The following USP33 variants were observed in gnomAD, a reference collection of about 807,000 sequenced individuals.
The protein encoded by USP33 is ubiquitin carboxyl-terminal hydrolase 33.
USP33 carries 46 observed loss-of-function variants against 124.2 expected under a neutral mutation model. The observed-to-expected ratio is 0.37, with a 90% CI of 0.29 to 0.47. USP33 has a LOEUF of 0.47. USP33 is among the 20% of genes least tolerant of loss of function. The probability of loss-of-function intolerance (pLI) is 0.99; values close to 1 mark genes in which losing one functional copy is unlikely to be tolerated. For synonymous variants in USP33, 350 were observed against 352.3 expected (o/e 0.99, Z 0.07); for missense variants, 851 against 1,070.6 (o/e 0.79, Z 2.86).
At chr1:77,735,955 C>CAA in intron 6 of USP33, 101 bp downstream of exon 6, 1 of 818,622 alleles carries the variant, frequency 1.2e-6, no homozygotes, top group Non-Finnish European at 1.8e-6. Flanking sequence ...TTTTAATTAT[C>CAA]AAGCCCATTT....
At chr1:77,726,617 G>T (rs12023981) in intron 10 of USP33, among the ~76,000 whole-genome samples, 1 of 148,580 alleles carries the variant, frequency 6.7e-6, no homozygotes, top group Non-Finnish European at 1.5e-5. Flanking sequence ...CTGCACTCCA[G>T]CCTGGGTGAC....
At chr1:77,737,525 TG>T (rs2101530997) in intron 5 of USP33, among the ~76,000 whole-genome samples, 1 of 152,354 alleles carries the variant, frequency 6.6e-6, no homozygotes, top group African/African-American at 2.4e-5. Context: ...AAATATCCTG[TG>T]GTAAACTGGA....
chr1:77,713,267 T>C lies in USP33; in HGVS notation c.2230A>G (p.Lys744Glu). Residue 744 changes from lysine (K) to glutamate (E), a missense_variant, in exon 20 of 24, where the codon AAA becomes GAA. Around this residue, in one of 4 missense-constraint regions of USP33, gnomAD observed 281 missense variants for 425.0 expected, o/e 0.66. Coordinates refer to ENST00000370794, the MANE Select transcript of USP33 (RefSeq NM_201624.3). The stretch of plus-strand genomic sequence containing the variant: ...ACCAGGTCTTCAATATAACCAGCTT[T>C]TCTTGGAGGAACACCTAAAAAAATA... ...LCIHGGVPPRKAGYIEDLVLM... is the reference protein window; with the variant it reads ...LCIHGGVPPREAGYIEDLVLM... 2 of 1,572,158 alleles carry C rather than the reference T, an allele frequency of 1.3e-6. No homozygotes were observed. The highest frequency in any genetic ancestry group is 1.7e-6 in the Non-Finnish European group (2 of 1,167,666).
intron 5 of USP33, among the ~76,000 whole-genome samples, chr1:77,737,395 A>G (rs1678596569): frequency 6.6e-6 from 1 of 152,254 alleles, no homozygotes; most frequent in Non-Finnish European, 1.5e-5. Context: ...TCACTACAAA[A>G]TATCTAAATA....
At chr1:77,752,537 G>C (rs1005497744) in intron 1 of USP33, among the ~76,000 whole-genome samples, 1 of 152,044 alleles carries the variant, frequency 6.6e-6, no homozygotes, top group Non-Finnish European at 1.5e-5. Context: ...ATTCCAAAAA[G>C]TAAAGCTCTT....
chr1:77,720,150 G>C (rs866655945), intron 15 of USP33, among the ~76,000 whole-genome samples: 1 of 89,578 alleles, frequency 1.1e-5, no homozygotes. Flanking sequence ...GACAGAATGA[G>C]ACTATGTCTC....
At chr1:77,722,356 A>C (rs1676663013) in intron 12 of USP33, 160 bp from the exon 13 acceptor site, 2 of 658,024 alleles carry the variant, frequency 3.0e-6, no homozygotes, top group East Asian at 5.9e-5. Context: ...TAGTCATAAT[A>C]GCAAAAAAAA....
chr1:77,721,847 G>A lies in USP33; in HGVS notation c.1641C>T (p.Ala547=), dbSNP rs1351814434. 1 of 1,608,058 alleles carries A rather than the reference G, an allele frequency of 6.2e-7. No individual in the cohort carries two copies. Among genetic ancestry groups the A allele is most frequent in the Non-Finnish European group, 8.5e-7 (1 of 1,178,652 alleles). The change falls in exon 14 of 24, where the codon GCC becomes GCT. Residue 547 remains alanine, a synonymous_variant. Coordinates refer to ENST00000370794, the MANE Select transcript of USP33 (RefSeq NM_201624.3). ...ATTTCTTACCTTTTAGTTCATCTCTGGCAAAGAAGGCAGCAAGACAATCTT... is the reference window on the plus strand; with the variant it reads ...ATTTCTTACCTTTTAGTTCATCTCTAGCAAAGAAGGCAGCAAGACAATCTT... ...TLQDCLAAFF[A]RDELKGDNMY... is the part of the protein sequence containing the mutation.
At chr1:77,712,702 C>G (rs1270762192) in intron 20 of USP33, among the ~76,000 whole-genome samples, 1 of 151,040 alleles carries the variant, frequency 6.6e-6, no homozygotes, top group East Asian at 1.9e-4. Context: ...CAAAAAACAC[C>G]CCAAAATTAG....
At position 77,735,601 on chromosome 1, in the gene USP33, A is replaced by G. The variant is rs75223745; in HGVS notation, c.454+455T>C. On this transcript the variant is annotated intron_variant, in intron 6 of 23. Transcript: ENST00000370794. ...TTATAAAACAGAAAATTTTAAGCTT[A>G]TACTAAGAACAGTGGGCCTAAAAGA... Among the ~76,000 whole-genome samples, 1,084 of 152,338 alleles carry G rather than the reference A, an allele frequency of 7.1e-3. 15 individuals carry two copies. Among genetic ancestry groups the G allele is most frequent in the African/African-American group, 0.024 (1,008 of 41,572 alleles).
intron 1 of USP33, among the ~76,000 whole-genome samples, chr1:77,743,553 C>T (rs1028323542): frequency 3.9e-5 from 6 of 152,094 alleles, no homozygotes; most frequent in African/African-American, 1.4e-4. Context: ...CAACTCACTG[C>T]AGCCTCAACC....
At chr1:77,725,903 A>G (rs1677106355) in intron 10 of USP33, 141 bp from the exon 11 acceptor site, 2 of 847,042 alleles carry the variant, frequency 2.4e-6, no homozygotes, top group Non-Finnish European at 3.4e-6. Flanking sequence ...CAAAGTGCTT[A>G]CTAAGCAAAA....
At chr1:77,716,060 A>G (rs983959933) in intron 17 of USP33, among the ~76,000 whole-genome samples, 192 bp from the exon 18 acceptor site, 2 of 151,822 alleles carry the variant, frequency 1.3e-5, no homozygotes, top group Non-Finnish European at 2.9e-5. Context: ...AATTTTTTAA[A>G]TTTTTTTATT....
In USP33 at chr1:77,697,321, A is replaced by G; in HGVS notation, c.2732T>C (p.Leu911Ser). ...GAACTCTCTACATCCTAAAAATTAC[A>G]AAGACCGAGTTTCTACTTCAATTTT... ...EEKIEVETRS[L>S] Residue 911 changes from leucine to serine, a missense_variant, in exon 24 of 24, where the codon TTG becomes TCG. This residue lies in a region of USP33 where 142 missense variants were observed against 141.8 expected (regional missense o/e 1.00). Coordinates refer to ENST00000370794, the MANE Select transcript of USP33 (RefSeq NM_201624.3). 1 of 1,597,608 alleles carries G rather than the reference A, an allele frequency of 6.3e-7. No homozygotes were observed.
intron 7 of USP33, 87 bp downstream of exon 7, chr1:77,734,260 A>T: frequency 1.0e-6 from 1 of 969,462 alleles, no homozygotes; most frequent in Non-Finnish European, 1.5e-6. Context: ...ACCTTGAGTT[A>T]GTCAACTACT....
At chr1:77,730,351 C>G (rs1407974529) in intron 8 of USP33, among the ~76,000 whole-genome samples, 1 of 152,180 alleles carries the variant, frequency 6.6e-6, no homozygotes, top group Non-Finnish European at 1.5e-5. Flanking sequence ...ATGCAAAACT[C>G]TAAAGTTCCA....
chr1:77,744,408 A>T (rs1382233788), intron 1 of USP33, among the ~76,000 whole-genome samples: 1 of 152,240 alleles, frequency 6.6e-6, no homozygotes, highest in Non-Finnish European at 1.5e-5. Context: ...CATCAGTGAT[A>T]TAGGGGAAAA....
At chr1:77,701,191 G>C (rs1430128925) in intron 22 of USP33, among the ~76,000 whole-genome samples, 178 bp downstream of exon 22, 2 of 151,994 alleles carry the variant, frequency 1.3e-5, no homozygotes, top group Non-Finnish European at 2.9e-5. Flanking sequence ...CATAAAATAA[G>C]TTTAACAAAA....
intron 1 of USP33, among the ~76,000 whole-genome samples, chr1:77,752,607 A>G (rs974771089): frequency 6.6e-6 from 1 of 152,212 alleles, no homozygotes; most frequent in Non-Finnish European, 1.5e-5. Context: ...ATTGGTAGCT[A>G]TTTAATAGTT....
Sources: allele counts gnomAD v4.1 joint callset (sites outside exome capture counted in the v4.1 genomes callset), GRCh38; gene constraint gnomAD v4.1.1; regional missense constraint gnomAD v4.1.1; transcripts MANE v1.5; gene names NCBI Gene and HGNC (gene_info 2026-07-23, HGNC 2026-07-21).